Variants in ENDOD1 observed in about 807,000 individuals in gnomAD.
ENDOD1 encodes endonuclease domain containing 1, also known as endonuclease domain-containing 1 protein.
In ENDOD1, 9 loss-of-function variants were observed where a neutral mutation model predicts 6.5. The observed-to-expected ratio is 1.39, with a 90% CI of 0.84 to 2.43. The LOEUF (loss-of-function observed/expected upper bound fraction) is 2.43. Among genes scored for constraint, ENDOD1 ranks in the 30% most tolerant of loss-of-function variants. ENDOD1 has a pLI of 0.00. For synonymous variants in ENDOD1, 255 were observed against 255.2 expected (o/e 1.00, Z 0.01); for missense variants, 648 against 635.5 (o/e 1.02, Z -0.21).
intron 1 of ENDOD1, among the ~76,000 whole-genome samples, chr11:95,127,496 G>GAC (rs1859322806): frequency 6.6e-6 from 1 of 152,146 alleles, no homozygotes; most frequent in South Asian, 2.1e-4. Flanking sequence ...CCTAATAACT[G>GAC]ACACCAGACT....
intron 1 of ENDOD1, among the ~76,000 whole-genome samples, chr11:95,090,977 A>G (rs1858925250): frequency 6.6e-6 from 1 of 151,940 alleles, no homozygotes; most frequent in East Asian, 1.9e-4. Flanking sequence ...TGGAAAGATA[A>G]GCCAGTTTTT....
rs1178146317 is a variant in ENDOD1, at chr11:95,132,212, C to T, written c.*2633C>T. ...TCTGTGGATCAGCTATGCCTTTGGA[C>T]ACTTCTCTTTTCCATTGTGCCTTTT... On this transcript the variant is annotated 3_prime_UTR_variant, in exon 2 of 2. Transcript: ENST00000278505. The T allele has an allele frequency of 2.0e-5, 3 of 152,688 alleles. No individual in the cohort carries two copies. Among genetic ancestry groups the T allele is most frequent in the Non-Finnish European group, 4.4e-5 (3 of 68,072 alleles). The allele number at this position is 152,688 out of a possible 1,614,324, so 9.5% of individuals were successfully genotyped here.
chr11:95,128,646 T>C lies in ENDOD1; in HGVS notation c.570T>C (p.Cys190=). ...TGGACCGGGCTTTGACCCCACAGTG[T>C]GGCAGTGGGGAAGACCTATATATCC... ...SLMDRALTPQ[C]GSGEDLYILT... The change falls in exon 2 of 2, where the codon TGT becomes TGC. Residue 190 remains cysteine (C), a synonymous_variant. Coordinates refer to ENST00000278505, the MANE Select transcript of ENDOD1 (RefSeq NM_015036.3). 1 of 1,614,160 alleles carries C rather than the reference T, an allele frequency of 6.2e-7. No individual in the cohort carries two copies. The highest frequency in any genetic ancestry group is 1.1e-5 in the South Asian group (1 of 91,082).
intron 1 of ENDOD1, among the ~76,000 whole-genome samples, chr11:95,101,448 G>GGCACAGCAGCCTAGATC (rs1565444423): frequency 2.0e-5 from 3 of 152,004 alleles, no homozygotes; most frequent in African/African-American, 7.3e-5. Flanking sequence ...CAGCCTAGAT[G>GGCACAGCAGCCTAGATC]TACACGTACA....
chr11:95,108,494 AAC>A (rs34439162), intron 1 of ENDOD1, among the ~76,000 whole-genome samples: 91,813 of 146,370 alleles, frequency 0.63, 30,164 homozygotes, highest in East Asian at 0.74. Context: ...CTCTTTTCTA[AAC>A]ACACACACAC....
At chr11:95,103,100 G>GGTGT (rs1200141222) in intron 1 of ENDOD1, among the ~76,000 whole-genome samples, 25 of 85,552 alleles carry the variant, frequency 2.9e-4, no homozygotes, top group African/African-American at 7.0e-4. Flanking sequence ...AGGCAGAGTG[G>GGTGT]GTGTGTGTGT....
At position 95,090,112 on chromosome 11, in the gene ENDOD1, C is replaced by A; in HGVS notation, c.185C>A (p.Ala62Asp). The change falls in exon 1 of 2, where the codon GCT becomes GAT. Residue 62 changes from alanine (A) to aspartate (D), a missense_variant. By Grantham distance (126) the Ala-to-Asp change is moderately radical. Coordinates refer to ENST00000278505, the MANE Select transcript of ENDOD1 (RefSeq NM_015036.3). ...AAGATCTGTCAGCGCGCGGAGGGTGCTGAGCGCTTCGCCACCCTCTACAGC... is the reference window on the plus strand; with the variant it reads ...AAGATCTGTCAGCGCGCGGAGGGTGATGAGCGCTTCGCCACCCTCTACAGC... The part of the protein sequence containing the change: ...HVKICQRAEG[A>D]ERFATLYSTR... 6.3e-7 allele frequency: 1 copy of A among 1,576,870 alleles called. No homozygotes were observed. Among genetic ancestry groups the A allele is most frequent in the Non-Finnish European group, 8.6e-7 (1 of 1,163,692 alleles).
At chr11:95,117,785 A>T (rs1321992771) in intron 1 of ENDOD1, among the ~76,000 whole-genome samples, 1 of 151,760 alleles carries the variant, frequency 6.6e-6, no homozygotes, top group African/African-American at 2.4e-5. Flanking sequence ...GTAAGGACTT[A>T]CCCCTGCCAT....
Position 95,129,192 on chromosome 11 carries a change from A to G in ENDOD1, c.1116A>G (p.Ile372Met). The change falls in exon 2 of 2, where the codon ATA becomes ATG. Residue 372 changes from isoleucine (I) to methionine (M), a missense_variant. Coordinates refer to ENST00000278505, the MANE Select transcript of ENDOD1 (RefSeq NM_015036.3). ...TTACCAAGCAGGTGATTAATGGCAT[A>G]GAAAGTTGCCTTTACCGCCTGGGCT... is the stretch of plus-strand genomic sequence containing the variant. ...WCVTKQVING[I>M]ESCLYRLGSA... is the part of the protein sequence containing the mutation. 6.2e-7 allele frequency: 1 copy of G among 1,614,182 alleles called. No homozygotes were observed. Among genetic ancestry groups the G allele is most frequent in the South Asian group, 1.1e-5 (1 of 91,084 alleles).
intron 1 of ENDOD1, among the ~76,000 whole-genome samples, chr11:95,099,884 A>G (rs779632488): frequency 1.4e-4 from 22 of 152,196 alleles, no homozygotes; most frequent in Non-Finnish European, 2.6e-4. Flanking sequence ...AACTTTGTTG[A>G]TTAAATGGAC....
chr11:95,125,243 A>C (rs1187901243), intron 1 of ENDOD1, among the ~76,000 whole-genome samples: 4 of 152,204 alleles, frequency 2.6e-5, no homozygotes, highest in Admixed American at 6.5e-5. Context: ...CACCAGGTTA[A>C]GTGCATACAA....
At chr11:95,091,657 G>A (rs1394391348) in intron 1 of ENDOD1, among the ~76,000 whole-genome samples, 2 of 152,208 alleles carry the variant, frequency 1.3e-5, no homozygotes, top group Non-Finnish European at 2.9e-5. Context: ...TACGTCTGAG[G>A]AAATCATGGG....
intron 1 of ENDOD1, among the ~76,000 whole-genome samples, chr11:95,123,084 G>T (rs1329633584): frequency 6.6e-6 from 1 of 151,970 alleles, no homozygotes; most frequent in African/African-American, 2.4e-5. Flanking sequence ...AGCTACTCCA[G>T]AGGCTGAGGC....
chr11:95,102,658 C>A (rs1391381033), intron 1 of ENDOD1, among the ~76,000 whole-genome samples: 3 of 150,884 alleles, frequency 2.0e-5, no homozygotes, highest in East Asian at 2.0e-4. Flanking sequence ...GCTGACAGAG[C>A]AAGACTCTGT....
chr11:95,090,711 T>G (rs1172167985), intron 1 of ENDOD1, among the ~76,000 whole-genome samples: 2 of 152,044 alleles, frequency 1.3e-5, no homozygotes, highest in African/African-American at 2.4e-5. Flanking sequence ...ACCCAGGGGG[T>G]GAAGAGACAT....
intron 1 of ENDOD1, among the ~76,000 whole-genome samples, chr11:95,107,042 G>A (rs1204231177): frequency 6.6e-6 from 1 of 152,062 alleles, no homozygotes; most frequent in Non-Finnish European, 1.5e-5. Flanking sequence ...GGCTGTCAAG[G>A]TAGGGGCTTA....
In ENDOD1 at chr11:95,130,825, A is replaced by G. The variant is rs1213263723; in HGVS notation, c.*1246A>G. 6.6e-6 allele frequency: 1 copy of G among 152,226 alleles called. No homozygotes were observed. Among genetic ancestry groups the G allele is most frequent in the Non-Finnish European group, 1.5e-5 (1 of 68,034 alleles). 9.4% of individuals were successfully genotyped at this position (152,226 alleles called of 1,614,324 possible). A position where few individuals can be genotyped will look rare whatever the true frequency, so the allele number is the denominator to read the frequency against. ...TTTTTGATCAAGCACTTGTCATTTT[A>G]AATCTTGCACTAAAAAATGGTAACA... On this transcript the variant is annotated 3_prime_UTR_variant, in exon 2 of 2. Transcript: ENST00000278505.
intron 1 of ENDOD1, among the ~76,000 whole-genome samples, chr11:95,117,974 T>C (rs545172029): frequency 6.6e-6 from 1 of 152,324 alleles, no homozygotes; most frequent in African/African-American, 2.4e-5. Context: ...ATACTATCAT[T>C]ATTTTAAGCT....
intron 1 of ENDOD1, among the ~76,000 whole-genome samples, chr11:95,111,255 C>G (rs1163663832): frequency 6.6e-6 from 1 of 152,160 alleles, no homozygotes; most frequent in African/African-American, 2.4e-5. Flanking sequence ...GCTCCTCCAA[C>G]CCATTGCCTT....
Sources: gnomAD v4.1 joint callset for allele counts (sites outside exome capture counted in the v4.1 genomes callset) on GRCh38, gnomAD v4.1.1 for gene constraint, MANE v1.5 for transcripts, NCBI Gene and HGNC (gene_info 2026-07-23, HGNC 2026-07-21) for gene names.